The following SCTR variants were observed in gnomAD, a reference collection of about 807,000 sequenced individuals.
SCTR encodes pancreatic secretin receptor.
In SCTR, 56 loss-of-function variants were observed where a neutral mutation model predicts 60.8. That is an observed-to-expected ratio of 0.92 (90% CI 0.74 to 1.15). The LOEUF (loss-of-function observed/expected upper bound fraction) is 1.15. Ranked by LOEUF, SCTR falls within the 50% of genes most tolerant of loss-of-function variation. The pLI is 0.00. For missense variants in SCTR, 562 were observed against 550.4 expected (o/e 1.02, Z -0.21); for synonymous variants, 202 against 217.0 (o/e 0.93, Z 0.61).
chr2:119,502,127 G>A (rs1000573112), intron 1 of SCTR, among the ~76,000 whole-genome samples: 3 of 152,108 alleles, frequency 2.0e-5, no homozygotes, highest in Non-Finnish European at 4.4e-5. Context: ...GTGGTGTCAT[G>A]AGCCCGTAGT....
intron 1 of SCTR, among the ~76,000 whole-genome samples, chr2:119,521,541 G>T (rs1314412474): frequency 1.3e-5 from 2 of 152,078 alleles, no homozygotes; most frequent in African/African-American, 4.8e-5. Context: ...GGCCGCAGAG[G>T]GGGCTGTGAT....
intron 4 of SCTR, among the ~76,000 whole-genome samples, chr2:119,466,764 T>C (rs978438840): frequency 1.6e-4 from 24 of 151,206 alleles, no homozygotes; most frequent in Middle Eastern, 3.4e-3. Flanking sequence ...TAAATAAATA[T>C]ATACATACAT....
rs1683729478 is a variant in SCTR, at chr2:119,464,136, C to A, written c.623G>T (p.Cys208Phe). The change falls in exon 6 of 13, where the codon TGC (cysteine) becomes TTC (phenylalanine). Residue 208 changes from cysteine (C) to phenylalanine (F), a missense_variant. By Grantham distance (205) the Cys-to-Phe change is radical. Transcript: ENST00000019103. ...VLFSSDDVTY[C>F]DAHRAGCKLV... is the part of the protein sequence containing the mutation. ...CAGACATATTACCCTGTGGGCATCG[C>A]AGTAGGTGACATCATCTGAGGAGAA... 1 of 1,614,080 alleles carries A rather than the reference C, an allele frequency of 6.2e-7. No homozygotes were observed. The highest frequency in any genetic ancestry group is 1.3e-5 in the African/African-American group (1 of 74,944).
chr2:119,473,431 G>A, intron 4 of SCTR, 22 bp downstream of exon 4: 3 of 1,554,890 alleles, frequency 1.9e-6, no homozygotes, highest in Non-Finnish European at 2.7e-6. Flanking sequence ...CGGGTTCGTG[G>A]GGTGGAGGTT....
intron 6 of SCTR, 122 bp downstream of exon 6, chr2:119,464,001 G>T: frequency 3.0e-6 from 3 of 1,008,722 alleles, no homozygotes; most frequent in Non-Finnish European, 4.6e-6. Context: ...CTTTATCCTT[G>T]GTATTAAGTG....
At chr2:119,500,215 A>G (rs199740126) in intron 1 of SCTR, among the ~76,000 whole-genome samples, 1 of 22,452 alleles carries the variant, frequency 4.5e-5, no homozygotes, top group Non-Finnish European at 9.1e-5. Flanking sequence ...TTAAAAAGAC[A>G]AAAAGTACTA....
chr2:119,512,689 G>T (rs1678995504), intron 1 of SCTR, among the ~76,000 whole-genome samples: 1 of 152,150 alleles, frequency 6.6e-6, no homozygotes, highest in Admixed American at 6.5e-5. Context: ...GAGCCACCGT[G>T]CCCAGCCTTT....
In SCTR at chr2:119,444,518, CATATATACGTACGAAT is replaced by C. The variant is rs1244711139; in HGVS notation, c.1140+2225_1140+2240del. 3.1e-5 allele frequency among the ~76,000 whole-genome samples: 2 copies of C among 63,612 alleles called. 1 individual carries two copies. The highest frequency in any genetic ancestry group is 5.7e-5 in the Non-Finnish European group (2 of 35,338). 41.7% of individuals were successfully genotyped at this position (63,612 alleles called of 152,430 possible). The stretch of plus-strand genomic sequence containing the variant: ...ATATATACGTACGTATATATATACA[CATATATACGTACGAAT>C]ATATATACACATATATACGTACGAA... On this transcript the variant is annotated intron_variant, in intron 11 of 12. Transcript: ENST00000019103.
At chr2:119,473,684 C>A in intron 3 of SCTR, 128 bp from the exon 4 acceptor site, 1 of 671,456 alleles carries the variant, frequency 1.5e-6, no homozygotes. Context: ...CACAGCAGTT[C>A]CAGAACTTGC....
chr2:119,488,367 C>T (rs10197018), intron 2 of SCTR, among the ~76,000 whole-genome samples: 17,632 of 152,146 alleles, frequency 0.12, 2,533 homozygotes, highest in African/African-American at 0.34. Context: ...GAGTAAGGTC[C>T]GGAAGAGAGG....
chr2:119,471,044 T>G (rs1291303692), intron 4 of SCTR, among the ~76,000 whole-genome samples: 3 of 152,134 alleles, frequency 2.0e-5, no homozygotes, highest in African/African-American at 7.2e-5. Flanking sequence ...AATGCCAGCC[T>G]AAGGAAGAAG....
At chr2:119,520,839 C>T (rs1191545057) in intron 1 of SCTR, among the ~76,000 whole-genome samples, 1 of 152,144 alleles carries the variant, frequency 6.6e-6, no homozygotes, top group Admixed American at 6.5e-5. Context: ...GCCCCAAACC[C>T]AATGTGAAAT....
At chr2:119,492,732 C>T (rs1177832534) in intron 2 of SCTR, among the ~76,000 whole-genome samples, 1 of 152,144 alleles carries the variant, frequency 6.6e-6, no homozygotes, top group East Asian at 1.9e-4. Context: ...TTCCTTCAGC[C>T]TTGGCAAGCA....
At chr2:119,451,945 T>C (rs968977111) in intron 9 of SCTR, 65 bp downstream of exon 9, 2 of 1,001,250 alleles carry the variant, frequency 2.0e-6, no homozygotes, top group Admixed American at 1.9e-5. Context: ...CCTCTGCCCC[T>C]GTGGGCTGGT....
At chr2:119,510,504 C>G (rs981946296) in intron 1 of SCTR, among the ~76,000 whole-genome samples, 7 of 151,938 alleles carry the variant, frequency 4.6e-5, no homozygotes, top group Non-Finnish European at 8.8e-5. Flanking sequence ...AGAAACAAGC[C>G]CTTTTGCTAT....
At chr2:119,517,685 G>T (rs897920176) in intron 1 of SCTR, among the ~76,000 whole-genome samples, 1 of 152,202 alleles carries the variant, frequency 6.6e-6, no homozygotes, top group African/African-American at 2.4e-5. Flanking sequence ...TAGACTTGGG[G>T]AAGTTAACCA....
chr2:119,461,711 CAAAAAA>C (rs539293803), intron 7 of SCTR, 130 bp downstream of exon 7: 326 of 294,056 alleles, frequency 1.1e-3, no homozygotes, highest in South Asian at 2.4e-3. Context: ...AACTCCAACT[CAAAAAA>C]AAAAAAAAAA....
At chr2:119,475,700 A>AAT (rs1269619809) in intron 3 of SCTR, among the ~76,000 whole-genome samples, 2 of 147,042 alleles carry the variant, frequency 1.4e-5, no homozygotes, top group African/African-American at 4.9e-5. Context: ...ATATAAAATA[A>AAT]ATATATATAT....
intron 7 of SCTR, among the ~76,000 whole-genome samples, chr2:119,454,585 G>T (rs1396599248): frequency 6.6e-6 from 1 of 152,186 alleles, no homozygotes; most frequent in Non-Finnish European, 1.5e-5. Context: ...CAGACGCGGT[G>T]GTTCATGCCT....
Sources: allele counts gnomAD v4.1 joint callset (sites outside exome capture counted in the v4.1 genomes callset), GRCh38; gene constraint gnomAD v4.1.1; transcripts MANE v1.5; gene names NCBI Gene and HGNC (gene_info 2026-07-23, HGNC 2026-07-21).